Variants in MAF observed in about 807,000 individuals in gnomAD.
MAF encodes the protein MAF bZIP transcription factor.
MAF carries 10 observed loss-of-function variants against 22.0 expected under a neutral mutation model. That is an observed-to-expected ratio of 0.45 (90% CI 0.28 to 0.77). The LOEUF is 0.77. Ranked by LOEUF, MAF falls within the 30% of genes least tolerant of loss-of-function variation. The pLI, the probability that MAF is intolerant of heterozygous loss-of-function variation, is 0.12. For missense variants in MAF, 544 were observed against 548.4 expected (o/e 0.99, Z 0.08); for synonymous variants, 337 against 255.8 (o/e 1.32, Z -3.03).
At chr16:79,502,720 T>TAAATATAA in the MAF span, among the ~76,000 whole-genome samples, 4 of 23,600 alleles carry the variant, frequency 1.7e-4, no homozygotes, top group African/African-American at 4.4e-4. Flanking sequence ...TATATATATA[T>TAAATATAA]ATATATATAT....
chr16:79,596,348 A>G (rs1913523363), intron 1 of MAF: 6 of 1,059,426 alleles, frequency 5.7e-6, no homozygotes, highest in Admixed American at 5.4e-5. Context: ...AAAACAGCCT[A>G]TAATTTCACC....
At chr16:79,364,945 A>G in the MAF span, among the ~76,000 whole-genome samples, 1 of 152,220 alleles carries the variant, frequency 6.6e-6, no homozygotes, top group Non-Finnish European at 1.5e-5. Flanking sequence ...TGCATCACAC[A>G]CAAGTGGTTC....
the MAF span, chr16:79,211,977 G>T: frequency 6.6e-7 from 1 of 1,513,496 alleles, no homozygotes; most frequent in Non-Finnish European, 8.8e-7. Context: ...AATTCCTGGG[G>T]TAAAGTATCA....
the MAF span, among the ~76,000 whole-genome samples, chr16:79,516,719 T>C: frequency 1.3e-5 from 2 of 152,222 alleles, no homozygotes; most frequent in African/African-American, 4.8e-5. Context: ...ATTCAAGCCC[T>C]GGGCTCATTT....
the MAF span, chr16:79,211,629 G>A: frequency 6.1e-5 from 99 of 1,614,168 alleles, no homozygotes; most frequent in Admixed American, 5.7e-4. Flanking sequence ...TGCCACCACC[G>A]TGTACTGTGC....
the MAF span, among the ~76,000 whole-genome samples, chr16:79,550,052 A>G: frequency 6.6e-6 from 1 of 152,202 alleles, no homozygotes; most frequent in East Asian, 1.9e-4. Context: ...CCATCTCTGT[A>G]TTCCAGCCAC....
At chr16:79,408,240 G>T in the MAF span, among the ~76,000 whole-genome samples, 1 of 152,196 alleles carries the variant, frequency 6.6e-6, no homozygotes, top group East Asian at 1.9e-4. Context: ...GCAGTGATGG[G>T]ATCTCGGCTT....
the MAF span, among the ~76,000 whole-genome samples, chr16:79,285,445 G>A: frequency 5.9e-5 from 9 of 152,070 alleles, no homozygotes; most frequent in African/African-American, 1.9e-4. Context: ...GGAAAATAGG[G>A]ACAGCAGTTT....
At chr16:79,389,515 G>A in the MAF span, among the ~76,000 whole-genome samples, 4,898 of 152,202 alleles carry the variant, frequency 0.032, 275 homozygotes, top group African/African-American at 0.11. Flanking sequence ...ACCTGCCTCT[G>A]CCTCCCAAAG....
the MAF span, among the ~76,000 whole-genome samples, chr16:79,482,399 G>T: frequency 6.6e-6 from 1 of 152,184 alleles, no homozygotes; most frequent in Admixed American, 6.5e-5. Flanking sequence ...ATCTCTGCAA[G>T]GGTGGAGAGA....
the MAF span, among the ~76,000 whole-genome samples, chr16:79,403,673 G>A: frequency 8.5e-5 from 13 of 152,172 alleles, no homozygotes; most frequent in Non-Finnish European, 1.9e-4. Context: ...CTCACACCAT[G>A]GTGAGATTAT....
At chr16:79,207,955 G>A in the MAF span, among the ~76,000 whole-genome samples, 2 of 152,216 alleles carry the variant, frequency 1.3e-5, no homozygotes, top group African/African-American at 2.4e-5. Context: ...TCCCAACACC[G>A]AGTTTTGGAA....
the MAF span, among the ~76,000 whole-genome samples, chr16:79,207,466 C>G: frequency 6.6e-6 from 1 of 152,368 alleles, no homozygotes; most frequent in South Asian, 2.1e-4. Context: ...ATCTAACTTC[C>G]AGGGTTCATT....
chr16:79,335,033 A>G, the MAF span, among the ~76,000 whole-genome samples: 264 of 151,864 alleles, frequency 1.7e-3, no homozygotes, highest in African/African-American at 6.1e-3. Flanking sequence ...AAAAATACAA[A>G]AATTTGCTGG....
chr16:79,272,339 G>A, the MAF span, among the ~76,000 whole-genome samples: 1 of 152,236 alleles, frequency 6.6e-6, no homozygotes, highest in Non-Finnish European at 1.5e-5. Flanking sequence ...AAAGTGCAGA[G>A]ACCTAAGCCC....
At chr16:79,247,603 C>T in the MAF span, among the ~76,000 whole-genome samples, 1 of 152,128 alleles carries the variant, frequency 6.6e-6, no homozygotes. Flanking sequence ...GCACCTCTTC[C>T]CCGCTGGAAG....
At chr16:79,254,913 C>T in the MAF span, among the ~76,000 whole-genome samples, 1 of 152,214 alleles carries the variant, frequency 6.6e-6, no homozygotes, top group African/African-American at 2.4e-5. Context: ...AGCCTAACTT[C>T]TTTGTTTTAA....
the MAF span, among the ~76,000 whole-genome samples, chr16:79,509,439 A>G: frequency 1.3e-5 from 2 of 152,202 alleles, no homozygotes; most frequent in African/African-American, 4.8e-5. Context: ...TTGCCAGAAG[A>G]GCTCGAATGT....
chr16:79,407,599 TAAC>T, the MAF span, among the ~76,000 whole-genome samples: 8 of 152,256 alleles, frequency 5.3e-5, no homozygotes, highest in East Asian at 1.5e-3. Context: ...CACGACCCAT[TAAC>T]AACAGCTCAG....
Sources: gnomAD v4.1 joint callset for allele counts (sites outside exome capture counted in the v4.1 genomes callset) on GRCh38, gnomAD v4.1.1 for gene constraint, MANE v1.5 for transcripts, NCBI Gene and HGNC (gene_info 2026-07-23, HGNC 2026-07-21) for gene names.